OPCML: variants seen among roughly 807,000 people sequenced by gnomAD.
OPCML encodes the protein opioid binding protein/cell adhesion molecule like, also known as opioid-binding protein/cell adhesion molecule.
A neutral mutation model predicts 37.8 loss-of-function variants in OPCML; 13 were observed. That is an observed-to-expected ratio of 0.34 (90% confidence interval 0.22 to 0.55). The LOEUF (loss-of-function observed/expected upper bound fraction) is 0.55, where lower values mean the gene tolerates loss of function less well. Ranked by LOEUF, OPCML falls within the 20% of genes least tolerant of loss-of-function variation. OPCML has a pLI of 0.91. For synonymous variants in OPCML, 176 were observed against 168.8 expected, an observed-to-expected ratio of 1.04 and a Z score of -0.33; for missense variants, 341 against 435.6, an observed-to-expected ratio of 0.78 and a Z score of 1.93.
chr11:132,791,361 G>C (rs914849839), intron 2 of OPCML, among the ~76,000 whole-genome samples: 4 of 152,124 alleles, frequency 2.6e-5, no homozygotes, highest in Non-Finnish European at 4.4e-5. Flanking sequence ...AAAGTTACCT[G>C]TCTTTCAAGT....
At chr11:132,784,066 A>G (rs1472516608) in intron 2 of OPCML, among the ~76,000 whole-genome samples, 1 of 152,168 alleles carries the variant, frequency 6.6e-6, no homozygotes, top group East Asian at 1.9e-4. Flanking sequence ...TGAATAATGA[A>G]TAGACTGTAT....
intron 4 of OPCML, among the ~76,000 whole-genome samples, chr11:132,499,296 G>A (rs187766640): frequency 3.9e-5 from 6 of 152,338 alleles, no homozygotes; most frequent in South Asian, 2.1e-4. Flanking sequence ...CCATTGACAT[G>A]AGGGGCCAAG....
rs75346519 is a variant in OPCML at position 132,657,295 on chromosome 11, G to T, written c.171C>A (p.Thr57=). The T allele has an allele frequency of 2.2e-5, 36 of 1,614,242 alleles. No homozygotes were observed. The African/African-American group carries it at 4.5e-4, about 20-fold the overall frequency. The change falls in exon 3 of 8, where the codon ACC becomes ACA. Residue 57 remains threonine, a synonymous_variant. Transcript: ENST00000524381. ...TGCTGCGGTTTAGCCAGGCCACCCG[G>T]GTTACCCGGTCATCTATGGTACACC... The part of the protein sequence containing the change: ...TLRCTIDDRV[T]RVAWLNRSTI...
intron 1 of OPCML, among the ~76,000 whole-genome samples, chr11:133,410,470 C>A (rs1349258527): frequency 1.3e-5 from 2 of 151,830 alleles, no homozygotes; most frequent in Admixed American, 6.6e-5. Context: ...CATGCACTAG[C>A]TGAGTCTTTT....
chr11:132,714,718 G>A (rs1944402616), intron 2 of OPCML, among the ~76,000 whole-genome samples: 1 of 152,150 alleles, frequency 6.6e-6, no homozygotes, highest in African/African-American at 2.4e-5. Flanking sequence ...TTGCAAATTA[G>A]CACCCCTGCG....
chr11:132,687,382 A>G (rs1469179092), intron 2 of OPCML, among the ~76,000 whole-genome samples: 54 of 13,932 alleles, frequency 3.9e-3, no homozygotes, highest in African/African-American at 0.018. Flanking sequence ...ATATATATAT[A>G]TATATATATA....
intron 3 of OPCML, among the ~76,000 whole-genome samples, chr11:132,554,132 C>T (rs967316439): frequency 3.3e-5 from 5 of 152,178 alleles, no homozygotes; most frequent in Non-Finnish European, 7.3e-5. Context: ...GATCATTAAA[C>T]GTGAGGATGA....
intron 4 of OPCML, among the ~76,000 whole-genome samples, chr11:132,508,703 C>T (rs776343146): frequency 2.6e-5 from 4 of 152,090 alleles, no homozygotes; most frequent in Non-Finnish European, 4.4e-5. Context: ...TTGCTTTTTC[C>T]TCATTTTCTC....
intron 1 of OPCML, among the ~76,000 whole-genome samples, chr11:133,029,536 G>A (rs1465927948): frequency 6.6e-6 from 1 of 152,166 alleles, no homozygotes; most frequent in Non-Finnish European, 1.5e-5. Flanking sequence ...ATACGACACA[G>A]CCATAAAAAA....
At chr11:132,708,701 G>A (rs1041537074) in intron 2 of OPCML, among the ~76,000 whole-genome samples, 22 of 152,294 alleles carry the variant, frequency 1.4e-4, no homozygotes, top group Admixed American at 1.2e-3. Flanking sequence ...AACACTGAAA[G>A]TTCATTAATT....
chr11:133,001,911 C>A (rs955155406), intron 1 of OPCML, among the ~76,000 whole-genome samples: 1 of 152,172 alleles, frequency 6.6e-6, no homozygotes, highest in East Asian at 1.9e-4. Context: ...CAGTACAGAG[C>A]AGCTATTGCC....
At chr11:133,331,203 A>G (rs1441370479) in intron 1 of OPCML, among the ~76,000 whole-genome samples, 1 of 152,236 alleles carries the variant, frequency 6.6e-6, no homozygotes, top group Non-Finnish European at 1.5e-5. Flanking sequence ...CCGTAGAGTC[A>G]GAACTGAAAC....
intron 1 of OPCML, among the ~76,000 whole-genome samples, chr11:133,148,180 A>G (rs1199691872): frequency 2.0e-5 from 3 of 152,286 alleles, no homozygotes; most frequent in Admixed American, 1.3e-4. Context: ...CAGAAGATCC[A>G]CTGAGAGCTC....
intron 2 of OPCML, among the ~76,000 whole-genome samples, chr11:132,906,321 A>T (rs1054719270): frequency 7.2e-5 from 11 of 152,234 alleles, no homozygotes; most frequent in African/African-American, 2.7e-4. Context: ...TTTTTAAAAC[A>T]TCTTAAATAA....
chr11:132,926,543 T>C (rs947021592), intron 2 of OPCML, among the ~76,000 whole-genome samples: 1 of 152,176 alleles, frequency 6.6e-6, no homozygotes, highest in African/African-American at 2.4e-5. Flanking sequence ...AGAAAAGGCC[T>C]AAGAACTTAA....
chr11:132,967,632 C>T (rs1026851902), intron 1 of OPCML, among the ~76,000 whole-genome samples: 5 of 152,124 alleles, frequency 3.3e-5, no homozygotes, highest in African/African-American at 1.2e-4. Flanking sequence ...CAATTATGTA[C>T]ACATTGCTTT....
At chr11:133,375,659 C>G (rs759869159) in intron 1 of OPCML, among the ~76,000 whole-genome samples, 10 of 152,086 alleles carry the variant, frequency 6.6e-5, no homozygotes, top group Non-Finnish European at 1.5e-4. Context: ...CTTGTACTTA[C>G]ACTTATCTGT....
At chr11:133,503,824 C>T (rs563165962) in intron 1 of OPCML, among the ~76,000 whole-genome samples, 23 of 152,298 alleles carry the variant, frequency 1.5e-4, no homozygotes, top group Admixed American at 3.9e-4. Flanking sequence ...AACATGACTG[C>T]TCTCAGAGCT....
chr11:133,523,141 AC>A, intron 1 of OPCML, among the ~76,000 whole-genome samples: 3 of 152,290 alleles, frequency 2.0e-5, no homozygotes, highest in Admixed American at 2.0e-4. Flanking sequence ...GGGTAGAGAA[AC>A]CGAGTTATTC....
Sources: allele counts gnomAD v4.1 joint callset (sites outside exome capture counted in the v4.1 genomes callset), GRCh38; gene constraint gnomAD v4.1.1; transcripts MANE v1.5; gene names NCBI Gene and HGNC (gene_info 2026-07-23, HGNC 2026-07-21).